ABCA3: variants seen among roughly 807,000 people sequenced by gnomAD.
ABCA3 encodes the protein phospholipid-transporting ATPase ABCA3.
ABCA3 carries 88 observed loss-of-function variants against 172.8 expected under a neutral mutation model. The ratio of observed to expected loss-of-function variants is 0.51; its 90% confidence interval spans 0.43 to 0.61. The LOEUF is 0.61. Ranked by LOEUF, ABCA3 falls within the 20% of genes least tolerant of loss-of-function variation. ABCA3 has a pLI of 0.00. For synonymous variants in ABCA3, 1,066 were observed against 983.8 expected, an observed-to-expected ratio of 1.08 and a Z score of -1.56; for missense variants, 2,164 against 2,301.0, an observed-to-expected ratio of 0.94 and a Z score of 1.22.
chr16:2,295,546 C>T, intron 18 of ABCA3, 44 bp downstream of exon 18: 1 of 1,605,400 alleles, frequency 6.2e-7, no homozygotes, highest in South Asian at 1.1e-5. Flanking sequence ...ATGGGGATCC[C>T]ATCTTGGATG....
Position 2,290,634 on chromosome 16 carries a change from A to G in ABCA3, c.2514-1014T>C, listed in dbSNP as rs568673653. ...TCATGCTTCCTTCCTTCCTTCAACC[A>G]GGATTCACAGAATCAGTCAGTCAGT... On this transcript the variant is annotated intron_variant, in intron 19 of 32. Transcript: ENST00000301732. Among the ~76,000 whole-genome samples, 6 of 152,288 alleles carry G rather than the reference A, an allele frequency of 3.9e-5. No homozygotes were observed. In the South Asian group the frequency reaches 1.2e-3, roughly 32 times the overall value.
chr16:2,289,399 T>TCCCCCCCCCCCCC, intron 20 of ABCA3, 35 bp downstream of exon 20: 4 of 1,544,340 alleles, frequency 2.6e-6, no homozygotes, highest in Non-Finnish European at 2.6e-6. Flanking sequence ...TGCTCGCCCT[T>TCCCCCCCCCCCCC]CCCCCGCCAC....
intron 1 of ABCA3, among the ~76,000 whole-genome samples, chr16:2,334,441 A>G (rs1327415951): frequency 6.6e-6 from 1 of 151,944 alleles, no homozygotes; most frequent in Non-Finnish European, 1.5e-5. Context: ...CTTTTTTGAG[A>G]GACGGGTACA....
chr16:2,326,420 G>A lies in ABCA3; in HGVS notation c.47C>T (p.Thr16Ile). Residue 16 changes from threonine to isoleucine, a missense_variant, in exon 4 of 33, where the codon ACC becomes ATC. Physicochemically the swap from Thr to Ile is moderately conservative, Grantham distance 89. Coordinates refer to ENST00000301732, the MANE Select transcript of ABCA3 (RefSeq NM_001089.3). ...TCCAGAGTCTGGACGCACCTGCAGG[G>A]TGTAGTTCTTCCAGAGGAGGAGCGC... ...QLALLLWKNYTLQKRKVLVTV... is the reference protein window; with the variant it reads ...QLALLLWKNYILQKRKVLVTV... The A allele has an allele frequency of 6.2e-7, 1 of 1,613,024 alleles. No individual in the cohort carries two copies.
chr16:2,304,652 G>A (rs917792554), intron 11 of ABCA3, among the ~76,000 whole-genome samples: 2 of 150,546 alleles, frequency 1.3e-5, no homozygotes, highest in African/African-American at 2.4e-5. Context: ...GATTACAGGC[G>A]CATGCTGCCA....
chr16:2,297,752 T>C lies in ABCA3; in HGVS notation c.2052+14A>G, dbSNP rs1228741307. Reference sequence around the variant, plus strand: ...CAGGAGGGGAACCCACTGCCTCCAGTCCCACCGCCACACCTTGGAGCCTGC... The same window carrying C: ...CAGGAGGGGAACCCACTGCCTCCAGCCCCACCGCCACACCTTGGAGCCTGC... On this transcript the variant is annotated intron_variant, in intron 16 of 32. Transcript: ENST00000301732. This position sits in a 1 kb window ranked among gnomAD's most constrained non-coding sequence, Gnocchi z 5.6. 2 of 1,609,122 alleles carry C rather than the reference T, an allele frequency of 1.2e-6. No individual in the cohort carries two copies. The highest frequency in any genetic ancestry group is 2.2e-5 in the East Asian group (1 of 44,814).
chr16:2,284,903 G>A lies in ABCA3; in HGVS notation c.3579C>T (p.Ile1193=), dbSNP rs776945931. The change falls in exon 24 of 33, where the codon ATC becomes ATT. Residue 1193 remains isoleucine, a synonymous_variant. Coordinates refer to ENST00000301732, the MANE Select transcript of ABCA3 (RefSeq NM_001089.3). The surrounding 1 kb of genome is among the most constrained non-coding windows in gnomAD (Gnocchi z 5.9). ...LLLLLYGWAI[I]PLMYLMNFFF... ...AGAAGTTCATCAGGTACATGAGGGGGATGATGGCCCAGCCGTAGAGCAGGA... is the reference window on the plus strand; with the variant it reads ...AGAAGTTCATCAGGTACATGAGGGGAATGATGGCCCAGCCGTAGAGCAGGA... The A allele has an allele frequency of 8.1e-6, 13 of 1,613,826 alleles. No homozygotes were observed. The highest frequency in any genetic ancestry group is 1.1e-5 in the Non-Finnish European group (13 of 1,180,014).
rs947164404 is a variant in ABCA3, at chr16:2,279,207, C to G, written c.4360-77G>C. ...TCCTCCAGAGGACCACGGGGACTAC[C>G]CTTGAGGTGCCCACCACTGCGCCTG... On this transcript the variant is annotated intron_variant, in intron 28 of 32. Coordinates refer to ENST00000301732, the MANE Select transcript of ABCA3 (RefSeq NM_001089.3). The surrounding 1 kb of genome is among the most constrained non-coding windows in gnomAD (Gnocchi z 4.4). 103 of 1,524,040 alleles carry G rather than the reference C, an allele frequency of 6.8e-5. No homozygotes were observed. The African/African-American group carries it at 1.1e-3, about 16-fold the overall frequency. The allele number at this position is 1,524,040 out of a possible 1,614,324, so 94.4% of individuals were successfully genotyped here. A position where few individuals can be genotyped will look rare whatever the true frequency, so the allele number is the denominator to read the frequency against.
At chr16:2,307,707 G>T (rs1211487153) in intron 11 of ABCA3, among the ~76,000 whole-genome samples, 1 of 152,100 alleles carries the variant, frequency 6.6e-6, no homozygotes, top group East Asian at 1.9e-4. Context: ...CTGGGTTCAC[G>T]CCATTCTCCT....
chr16:2,321,472 C>T (rs377535994), intron 7 of ABCA3, among the ~76,000 whole-genome samples: 5 of 152,194 alleles, frequency 3.3e-5, no homozygotes, highest in Admixed American at 6.5e-5. Flanking sequence ...AGGGATGGGA[C>T]GTTGCTGTGA....
intron 7 of ABCA3, among the ~76,000 whole-genome samples, chr16:2,322,694 A>G (rs2093727993): frequency 6.6e-6 from 1 of 152,106 alleles, no homozygotes; most frequent in Non-Finnish European, 1.5e-5. Context: ...CTGAAACCAT[A>G]AAAACCCTAG....
intron 10 of ABCA3, among the ~76,000 whole-genome samples, chr16:2,316,522 A>AAAAAAAAAAAAAAAAAT: frequency 7.7e-6 from 1 of 129,238 alleles, no homozygotes; most frequent in African/African-American, 2.8e-5. Context: ...AAAAAAAAAA[A>AAAAAAAAAAAAAAAAAT]AAAAAATTAG....
chr16:2,320,913 AC>A (rs771546594), intron 7 of ABCA3, among the ~76,000 whole-genome samples: 35 of 150,436 alleles, frequency 2.3e-4, no homozygotes, highest in Non-Finnish European at 4.1e-4. Flanking sequence ...TAATAACAAA[AC>A]TTTTTTTCTC....
At chr16:2,323,496 A>T (rs774310343) in intron 7 of ABCA3, 27 bp downstream of exon 7, 1 of 1,613,804 alleles carries the variant, frequency 6.2e-7, no homozygotes, top group Non-Finnish European at 8.5e-7. Context: ...CCGGGCTGGT[A>T]ACACGAACCC....
intron 17 of ABCA3, among the ~76,000 whole-genome samples, chr16:2,296,550 G>A (rs1009976742): frequency 6.6e-6 from 1 of 152,196 alleles, no homozygotes; most frequent in East Asian, 1.9e-4. Flanking sequence ...GTCCTCTTTA[G>A]AGACAAGGAT....
intron 19 of ABCA3, among the ~76,000 whole-genome samples, chr16:2,290,049 A>G (rs2093669660): frequency 6.6e-6 from 1 of 151,590 alleles, no homozygotes; most frequent in Admixed American, 6.6e-5. Context: ...CTGAGGCTGC[A>G]GCAGGCAGGA....
intron 11 of ABCA3, among the ~76,000 whole-genome samples, chr16:2,306,502 C>T (rs2093697821): frequency 6.6e-6 from 1 of 152,228 alleles, no homozygotes; most frequent in African/African-American, 2.4e-5. Context: ...CTTCCACAGA[C>T]CCAGACCTTG....
At position 2,292,863 on chromosome 16, in the gene ABCA3, G is replaced by A. The variant is rs535207773; in HGVS notation, c.2415-625C>T. On this transcript the variant is annotated intron_variant, in intron 18 of 32. Coordinates refer to ENST00000301732, the MANE Select transcript of ABCA3 (RefSeq NM_001089.3). ...CCAGCTACTCGGGAGGCTGAGGCAGGAGAATTGCTTGAACCCGGGAGGCGG... is the reference window on the plus strand; with the variant it reads ...CCAGCTACTCGGGAGGCTGAGGCAGAAGAATTGCTTGAACCCGGGAGGCGG... Among the ~76,000 whole-genome samples, 32 of 152,146 alleles carry A rather than the reference G, an allele frequency of 2.1e-4. 1 individual carries two copies. The South Asian group carries it at 6.0e-3, about 29-fold the overall frequency.
In ABCA3 at chr16:2,284,825, C is replaced by T. The variant is rs752521582; in HGVS notation, c.3657G>A (p.Leu1219=). 1 of 1,613,928 alleles carries T rather than the reference C, an allele frequency of 6.2e-7. No homozygotes were observed. Among genetic ancestry groups the T allele is most frequent in the Admixed American group, 1.7e-5 (1 of 60,010 alleles). The change falls in exon 24 of 33, where the codon CTG becomes CTA. Residue 1219 remains leucine (L), a synonymous_variant. Transcript: ENST00000301732. The surrounding 1 kb of genome is among the most constrained non-coding windows in gnomAD (Gnocchi z 5.9). ...CCATCAGGAAGGTGGCGATGCCTGA[C>T]AGGATGTTGAAGATGGTCAGCCTCG... ...AYTRLTIFNI[L]SGIATFLMVT...
Sources: gnomAD v4.1 joint callset for allele counts (sites outside exome capture counted in the v4.1 genomes callset) on GRCh38, gnomAD v4.1.1 for gene constraint, Gnocchi (gnomAD v3.1) non-coding constraint, MANE v1.5 for transcripts, NCBI Gene and HGNC (gene_info 2026-07-23, HGNC 2026-07-21) for gene names.